Variants in KCNQ5 observed in about 807,000 individuals in gnomAD.
KCNQ5 encodes potassium voltage-gated channel subfamily Q member 5.
A neutral mutation model predicts 98.2 loss-of-function variants in KCNQ5; 30 were observed. The ratio of observed to expected loss-of-function variants is 0.31; its 90% CI spans 0.23 to 0.41. The LOEUF is 0.41. Ranked by LOEUF, KCNQ5 falls within the 10% of genes least tolerant of loss-of-function variation. KCNQ5 has a pLI of 1.00. For missense variants in KCNQ5, 835 were observed against 1,182.5 expected, an observed-to-expected ratio of 0.71 and a Z score of 4.31; for synonymous variants, 458 against 449.4, an observed-to-expected ratio of 1.02 and a Z score of -0.24.
chr6:72,867,773 T>C (rs1229853189), intron 1 of KCNQ5, among the ~76,000 whole-genome samples: 1 of 144,320 alleles, frequency 6.9e-6, no homozygotes, highest in Non-Finnish European at 1.5e-5. Flanking sequence ...CCCCTTCTCT[T>C]AAAAAAAAAA....
intron 1 of KCNQ5, among the ~76,000 whole-genome samples, chr6:72,772,066 C>G (rs1484037034): frequency 6.6e-6 from 1 of 151,942 alleles, no homozygotes; most frequent in East Asian, 1.9e-4. Flanking sequence ...TTTTATGATA[C>G]CGACTTTTCA....
intron 1 of KCNQ5, among the ~76,000 whole-genome samples, chr6:72,704,582 T>A (rs1446025029): frequency 2.0e-5 from 3 of 152,098 alleles, no homozygotes; most frequent in Admixed American, 2.0e-4. Flanking sequence ...ATAGAAATTC[T>A]ATAATTTGAT....
chr6:72,706,779 A>T (rs989894251), intron 1 of KCNQ5, among the ~76,000 whole-genome samples: 1 of 152,188 alleles, frequency 6.6e-6, no homozygotes, highest in Non-Finnish European at 1.5e-5. Flanking sequence ...AAATGTTCAT[A>T]AAAAGAACAA....
chr6:73,192,601 A>G lies in KCNQ5; in HGVS notation c.1746A>G (p.Ser582=), dbSNP rs1237780344. Residue 582 remains serine, a synonymous_variant, in exon 13 of 14, where the codon TCA becomes TCG. Coordinates refer to ENST00000370398, the MANE Select transcript of KCNQ5 (RefSeq NM_019842.4). ...TTCTTGGAAAAGGGCAAATCACATCAGATAAGAAGAGCCGAGAGAAAATAA... is the reference window on the plus strand; with the variant it reads ...TTCTTGGAAAAGGGCAAATCACATCGGATAAGAAGAGCCGAGAGAAAATAA... ...DQILGKGQIT[S]DKKSREKITA... 6.2e-7 allele frequency: 1 copy of G among 1,611,770 alleles called. No homozygotes were observed. Among genetic ancestry groups the G allele is most frequent in the Admixed American group, 1.7e-5 (1 of 59,694 alleles).
intron 5 of KCNQ5, among the ~76,000 whole-genome samples, chr6:73,086,501 C>T (rs115925040): frequency 0.01 from 1,569 of 152,248 alleles, 27 homozygotes; most frequent in African/African-American, 0.033. Context: ...TACAAACATG[C>T]AGAAGTACAT....
intron 1 of KCNQ5, among the ~76,000 whole-genome samples, chr6:72,808,957 CATT>C (rs1282970337): frequency 6.6e-6 from 1 of 151,006 alleles, no homozygotes; most frequent in Non-Finnish European, 1.5e-5. Flanking sequence ...TTTATTGCAG[CATT>C]ATTCACAATA....
intron 1 of KCNQ5, among the ~76,000 whole-genome samples, chr6:72,897,740 A>G (rs1350222547): frequency 6.6e-6 from 1 of 152,210 alleles, no homozygotes; most frequent in Non-Finnish European, 1.5e-5. Flanking sequence ...CCATTAGGAC[A>G]GGCCCTAGAA....
chr6:72,660,154 G>A (rs1766436684), intron 1 of KCNQ5, among the ~76,000 whole-genome samples: 1 of 152,200 alleles, frequency 6.6e-6, no homozygotes, highest in African/African-American at 2.4e-5. Flanking sequence ...GCTAATGTGT[G>A]TTGATCACTT....
chr6:72,800,550 A>G (rs1025662934), intron 1 of KCNQ5, among the ~76,000 whole-genome samples: 2 of 151,898 alleles, frequency 1.3e-5, no homozygotes, highest in African/African-American at 2.4e-5. Flanking sequence ...CGGTCTATCA[A>G]TTTTGTTGAT....
At chr6:72,983,090 G>A (rs965205553) in intron 1 of KCNQ5, among the ~76,000 whole-genome samples, 7 of 152,116 alleles carry the variant, frequency 4.6e-5, no homozygotes, top group Non-Finnish European at 4.4e-5. Flanking sequence ...CTTTCTCTCT[G>A]GCTGCCCTTA....
At chr6:72,814,440 C>G (rs1297177311) in intron 1 of KCNQ5, among the ~76,000 whole-genome samples, 3 of 152,184 alleles carry the variant, frequency 2.0e-5, no homozygotes, top group African/African-American at 7.2e-5. Context: ...CTCATAGATT[C>G]CTGTGAAGAT....
chr6:72,872,269 T>C (rs1483256831), intron 1 of KCNQ5, among the ~76,000 whole-genome samples: 1 of 152,208 alleles, frequency 6.6e-6, no homozygotes, highest in African/African-American at 2.4e-5. Flanking sequence ...ATTCTAATTT[T>C]AAGTTAAATC....
intron 10 of KCNQ5, among the ~76,000 whole-genome samples, chr6:73,140,941 C>G (rs1010010731): frequency 1.3e-5 from 2 of 152,166 alleles, no homozygotes; most frequent in African/African-American, 4.8e-5. Context: ...CTCTTGTCCC[C>G]CTAAGATCTG....
Position 72,749,923 on chromosome 6 carries a change from CA to C in KCNQ5, c.398+127338del, listed in dbSNP as rs561913069. ...CCAGTCTTGAGTTAAGCTATAATTA[CA>C]ATGACAACAATGTCAAAAAGAAAAA... On this transcript the variant is annotated intron_variant, in intron 1 of 13. Transcript: ENST00000370398. Among the ~76,000 whole-genome samples, 32 of 152,110 alleles carry C rather than the reference CA, an allele frequency of 2.1e-4. No homozygotes were observed. In the South Asian group the frequency reaches 6.0e-3, roughly 29 times the overall value.
intron 1 of KCNQ5, among the ~76,000 whole-genome samples, chr6:72,880,353 G>T (rs569137000): frequency 2.6e-5 from 4 of 152,262 alleles, no homozygotes; most frequent in African/African-American, 9.6e-5. Context: ...GTCCTCACAT[G>T]GTGGAAGGGG....
chr6:72,852,363 G>A (rs1040194860), intron 1 of KCNQ5, among the ~76,000 whole-genome samples: 9 of 151,404 alleles, frequency 5.9e-5, no homozygotes, highest in African/African-American at 2.2e-4. Context: ...CAACCTATGT[G>A]CCCATCAATG....
chr6:72,718,445 CTTTTTTTT>C (rs1032425332), intron 1 of KCNQ5, among the ~76,000 whole-genome samples: 6 of 71,482 alleles, frequency 8.4e-5, no homozygotes, highest in African/African-American at 3.0e-4. Context: ...CCTTTCTGCT[CTTTTTTTT>C]TTTTTTTTTT....
intron 5 of KCNQ5, among the ~76,000 whole-genome samples, chr6:73,087,901 G>A (rs1774056360): frequency 6.6e-6 from 1 of 152,028 alleles, no homozygotes; most frequent in Non-Finnish European, 1.5e-5. Flanking sequence ...CAAAGCCCAG[G>A]TAAGGTGGCA....
chr6:72,836,360 T>A (rs921504673), intron 1 of KCNQ5, among the ~76,000 whole-genome samples: 23 of 152,144 alleles, frequency 1.5e-4, no homozygotes, highest in Admixed American at 5.9e-4. Flanking sequence ...GACCCTCAGA[T>A]AAGTATCTAA....
Sources: allele counts gnomAD v4.1 joint callset (sites outside exome capture counted in the v4.1 genomes callset), GRCh38; gene constraint gnomAD v4.1.1; transcripts MANE v1.5; gene names NCBI Gene and HGNC (gene_info 2026-07-23, HGNC 2026-07-21).